The following NEXN variants were observed in gnomAD, a reference collection of about 807,000 sequenced individuals.
NEXN encodes the protein nexilin.
NEXN carries 65 observed loss-of-function variants against 92.6 expected under a neutral mutation model. The observed-to-expected ratio is 0.70, with a 90% CI of 0.57 to 0.86. NEXN has a LOEUF of 0.86. NEXN is among the 40% of genes least tolerant of loss of function. The pLI is 0.00. For missense variants in NEXN, 778 were observed against 771.1 expected, an observed-to-expected ratio of 1.01 and a Z score of -0.11; for synonymous variants, 254 against 242.5, an observed-to-expected ratio of 1.05 and a Z score of -0.44.
intron 8 of NEXN, among the ~76,000 whole-genome samples, chr1:77,928,729 TTC>T (rs1650060131): frequency 6.6e-6 from 1 of 152,060 alleles, no homozygotes. Flanking sequence ...ACCAAAGAGA[TTC>T]TGTGTAGATA....
chr1:77,933,157 A>T, intron 9 of NEXN, 125 bp from the exon 10 acceptor site: 1 of 638,514 alleles, frequency 1.6e-6, no homozygotes. Context: ...GTGAAACTCC[A>T]TCTCAAAAAA....
chr1:77,912,361 T>C (rs1301635043), intron 1 of NEXN, among the ~76,000 whole-genome samples: 2 of 152,048 alleles, frequency 1.3e-5, no homozygotes, highest in Non-Finnish European at 2.9e-5. Context: ...ATTATTAAGA[T>C]ATTAATTCTC....
intron 10 of NEXN, among the ~76,000 whole-genome samples, chr1:77,934,004 A>AATTTTT (rs1289566597): frequency 1.3e-4 from 11 of 83,096 alleles, no homozygotes; most frequent in African/African-American, 6.0e-4. Flanking sequence ...TGTCTGGCTA[A>AATTTTT]TTTTTAATTT....
intron 11 of NEXN, chr1:77,941,818 C>T (rs1651337219): frequency 1.8e-6 from 1 of 560,334 alleles, no homozygotes; most frequent in African/African-American, 2.0e-5. Flanking sequence ...GAGAAAAAGT[C>T]TATAACTAAG....
chr1:77,902,968 G>C (rs921215553), intron 1 of NEXN, among the ~76,000 whole-genome samples: 1 of 152,148 alleles, frequency 6.6e-6, no homozygotes, highest in Non-Finnish European at 1.5e-5. Flanking sequence ...CTACTAAATA[G>C]ATTTGTCTAG....
At position 77,936,308 on chromosome 1, in the gene NEXN, C is replaced by T. The variant is rs533124149; in HGVS notation, c.1473+264C>T. Among the ~76,000 whole-genome samples, 81 of 152,250 alleles carry T rather than the reference C, an allele frequency of 5.3e-4. No individual in the cohort carries two copies. In the South Asian group the frequency reaches 0.016, roughly 30 times the overall value. On this transcript the variant is annotated intron_variant, in intron 11 of 12. Transcript: ENST00000334785. ...AAAAATGTTCAAAAATATTTTTTGG[C>T]TGGGCGTGGTGGCTCACGCCTATAA...
At chr1:77,904,809 A>G (rs1647985007) in intron 1 of NEXN, among the ~76,000 whole-genome samples, 1 of 152,204 alleles carries the variant, frequency 6.6e-6, no homozygotes, top group South Asian at 2.1e-4. Flanking sequence ...GTGTTTGCAA[A>G]TAGCAAATCA....
At chr1:77,915,667 C>CA in intron 1 of NEXN, among the ~76,000 whole-genome samples, 1 of 152,084 alleles carries the variant, frequency 6.6e-6, no homozygotes, top group East Asian at 1.9e-4. Flanking sequence ...AACAAGCAAA[C>CA]AAAAAACTAC....
chr1:77,911,144 A>C (rs1404153917), intron 1 of NEXN, among the ~76,000 whole-genome samples: 1 of 152,154 alleles, frequency 6.6e-6, no homozygotes, highest in Admixed American at 6.6e-5. Context: ...CCTGGCCCCA[A>C]AATTATACTT....
intron 1 of NEXN, among the ~76,000 whole-genome samples, chr1:77,903,025 C>G (rs1647840156): frequency 6.6e-6 from 1 of 152,038 alleles, no homozygotes; most frequent in African/African-American, 2.4e-5. Context: ...ACTGAAGAGT[C>G]TGAGGGTCTG....
chr1:77,920,158 C>T (rs1649310005), intron 5 of NEXN, among the ~76,000 whole-genome samples: 1 of 151,878 alleles, frequency 6.6e-6, no homozygotes, highest in East Asian at 1.9e-4. Context: ...ACCTCGGCCT[C>T]CCAAAATGAT....
chr1:77,927,602 C>G (rs58132637), intron 8 of NEXN, among the ~76,000 whole-genome samples: 117,777 of 144,824 alleles, frequency 0.81, 46,487 homozygotes, highest in East Asian at 0.9. Context: ...GTGTGTGTGT[C>G]TGTGTGTGTG....
chr1:77,919,691 C>T (rs1476138210), intron 5 of NEXN, among the ~76,000 whole-genome samples: 2 of 151,558 alleles, frequency 1.3e-5, no homozygotes, highest in African/African-American at 4.9e-5. Flanking sequence ...CCTCCACCAC[C>T]CAGGTTGAAG....
chr1:77,934,684 A>G (rs753646719), intron 10 of NEXN, among the ~76,000 whole-genome samples: 1 of 152,164 alleles, frequency 6.6e-6, no homozygotes, highest in Non-Finnish European at 1.5e-5. Flanking sequence ...TGGGCAGCAG[A>G]AGAGAAAGGT....
chr1:77,894,534 A>G (rs1162235890), intron 1 of NEXN, among the ~76,000 whole-genome samples: 1 of 151,386 alleles, frequency 6.6e-6, no homozygotes, highest in Non-Finnish European at 1.5e-5. Context: ...TCTATGTCCC[A>G]GCTTCAAGCA....
chr1:77,934,123 C>T (rs1471810679), intron 10 of NEXN, among the ~76,000 whole-genome samples: 1 of 147,864 alleles, frequency 6.8e-6, no homozygotes, highest in African/African-American at 2.5e-5. Flanking sequence ...AATTCTCCTG[C>T]CTCAGCCTCC....
chr1:77,894,726 T>C (rs1383314605), intron 1 of NEXN, among the ~76,000 whole-genome samples: 3 of 151,600 alleles, frequency 2.0e-5, no homozygotes, highest in African/African-American at 7.3e-5. Context: ...TTTTTTTCCT[T>C]TTTTTTAGAG....
At chr1:77,908,693 A>G (rs1262168265) in intron 1 of NEXN, among the ~76,000 whole-genome samples, 1 of 151,952 alleles carries the variant, frequency 6.6e-6, no homozygotes, top group East Asian at 1.9e-4. Flanking sequence ...AGCCACCACA[A>G]TTGTGTAAGT....
At chr1:77,921,651 T>C (rs1649428413) in intron 5 of NEXN, among the ~76,000 whole-genome samples, 1 of 152,106 alleles carries the variant, frequency 6.6e-6, no homozygotes. Context: ...GGCTCACACC[T>C]GTAATACCAG....
Sources: allele counts gnomAD v4.1 joint callset (sites outside exome capture counted in the v4.1 genomes callset), GRCh38; gene constraint gnomAD v4.1.1; transcripts MANE v1.5; gene names NCBI Gene and HGNC (gene_info 2026-07-23, HGNC 2026-07-21).